The following SPAG17 variants were observed in gnomAD, a reference collection of about 807,000 sequenced individuals.
The protein encoded by SPAG17 is sperm-associated antigen 17.
A neutral mutation model predicts 273.6 loss-of-function variants in SPAG17; 169 were observed. That is an observed-to-expected ratio of 0.62 (90% CI 0.55 to 0.70). SPAG17 has a LOEUF of 0.70. Among genes scored for constraint, SPAG17 ranks in the 30% least tolerant of loss-of-function variants. The pLI is 0.00. For missense variants in SPAG17, 2,557 were observed against 2,627.8 expected (o/e 0.97, Z 0.59); for synonymous variants, 825 against 873.2 (o/e 0.94, Z 0.97).
chr1:118,065,684 A>T (rs990899579), intron 18 of SPAG17, among the ~76,000 whole-genome samples: 1 of 152,166 alleles, frequency 6.6e-6, no homozygotes, highest in Non-Finnish European at 1.5e-5. Flanking sequence ...TAGCACTTTC[A>T]TAGATTAAAG....
chr1:118,093,565 G>A (rs751172756), intron 7 of SPAG17, among the ~76,000 whole-genome samples: 1 of 152,118 alleles, frequency 6.6e-6, no homozygotes, highest in Non-Finnish European at 1.5e-5. Context: ...AATGTTTTAA[G>A]AGCCTAATTA....
In SPAG17 at chr1:117,966,649, A is replaced by C; in HGVS notation, c.6492T>G (p.Ile2164Met). The C allele has an allele frequency of 6.8e-6, 11 of 1,613,852 alleles. No individual in the cohort carries two copies. Among genetic ancestry groups the C allele is most frequent in the Non-Finnish European group, 8.5e-6 (10 of 1,179,920 alleles). The change falls in exon 47 of 49, where the codon ATT becomes ATG. Residue 2164 changes from isoleucine to methionine, a missense_variant. Ile to Met is a conservative substitution (Grantham distance 10). Coordinates refer to ENST00000336338, the MANE Select transcript of SPAG17 (RefSeq NM_206996.4). ...GSAHISHNIE[I>M]MTEHEVLFLP... ...GGAACAGAACCTCATGCTCTGTCAT[A>C]ATCTCGATATTGTGAGAGATGTGTG...
intron 3 of SPAG17, among the ~76,000 whole-genome samples, chr1:118,144,420 C>T (rs1299922637): frequency 2.0e-5 from 3 of 152,214 alleles, no homozygotes; most frequent in Admixed American, 6.5e-5. Context: ...TTCTCCTCTT[C>T]TTTCCTTCTT....
At chr1:117,956,242 T>C (rs924001295) in intron 48 of SPAG17, among the ~76,000 whole-genome samples, 1 of 152,186 alleles carries the variant, frequency 6.6e-6, no homozygotes, top group Non-Finnish European at 1.5e-5. Flanking sequence ...TTTGGGACAC[T>C]TGAGACCAAA....
chr1:117,985,183 A>G (rs1414136644), intron 40 of SPAG17, among the ~76,000 whole-genome samples: 2 of 152,252 alleles, frequency 1.3e-5, no homozygotes, highest in Non-Finnish European at 2.9e-5. Flanking sequence ...AAAAAAACCC[A>G]AACAAACCAA....
intron 6 of SPAG17, among the ~76,000 whole-genome samples, chr1:118,098,848 C>G (rs1300591290): frequency 6.6e-6 from 1 of 151,980 alleles, no homozygotes; most frequent in East Asian, 1.9e-4. Flanking sequence ...TATAGAGCAG[C>G]AATTTAAAAA....
chr1:117,990,207 A>G (rs1656919043), intron 38 of SPAG17, among the ~76,000 whole-genome samples: 1 of 152,186 alleles, frequency 6.6e-6, no homozygotes, highest in South Asian at 2.1e-4. Context: ...CAACAACAAT[A>G]AAAACAACTG....
At chr1:118,146,967 G>A (rs922211199) in intron 3 of SPAG17, among the ~76,000 whole-genome samples, 1 of 152,122 alleles carries the variant, frequency 6.6e-6, no homozygotes, top group Non-Finnish European at 1.5e-5. Context: ...ACCCCTCCCT[G>A]CCAACTACCC....
At chr1:118,025,463 G>A in intron 26 of SPAG17, 47 bp from the exon 27 acceptor site, 1 of 1,278,062 alleles carries the variant, frequency 7.8e-7, no homozygotes, top group Non-Finnish European at 1.0e-6. Flanking sequence ...ATGCTGCAGG[G>A]CTGGATTTTA....
intron 30 of SPAG17, among the ~76,000 whole-genome samples, chr1:118,009,678 C>G (rs1412631365): frequency 3.3e-5 from 5 of 151,996 alleles, no homozygotes; most frequent in African/African-American, 1.2e-4. Flanking sequence ...GTTTTAGTTG[C>G]CACCAATCAA....
intron 23 of SPAG17, 49 bp downstream of exon 23, chr1:118,039,243 G>T: frequency 6.3e-7 from 1 of 1,579,864 alleles, no homozygotes; most frequent in African/African-American, 1.4e-5. Context: ...GGAGTGGACA[G>T]AGACAGGAGT....
chr1:118,169,796 A>G (rs899515790), intron 1 of SPAG17, among the ~76,000 whole-genome samples: 2 of 152,198 alleles, frequency 1.3e-5, no homozygotes, highest in African/African-American at 4.8e-5. Flanking sequence ...AAGAATTAGA[A>G]GCTTTGTTCA....
chr1:118,067,659 C>A (rs751889305), intron 17 of SPAG17, among the ~76,000 whole-genome samples: 11 of 152,146 alleles, frequency 7.2e-5, no homozygotes, highest in Non-Finnish European at 1.6e-4. Context: ...GCAGCCCAAG[C>A]GGACTAAATC....
intron 20 of SPAG17, among the ~76,000 whole-genome samples, chr1:118,042,483 A>G (rs1649885335): frequency 6.6e-6 from 1 of 152,192 alleles, no homozygotes; most frequent in African/African-American, 2.4e-5. Flanking sequence ...AAAATGATGG[A>G]TAACATAGGT....
At chr1:118,092,885 T>C (rs930922684) in intron 8 of SPAG17, among the ~76,000 whole-genome samples, 1 of 152,192 alleles carries the variant, frequency 6.6e-6, no homozygotes, top group Non-Finnish European at 1.5e-5. Context: ...GCTAAATAAA[T>C]ACTGCAATTA....
chr1:118,175,178 G>A (rs140620970), intron 1 of SPAG17, among the ~76,000 whole-genome samples: 81 of 152,122 alleles, frequency 5.3e-4, no homozygotes, highest in African/African-American at 1.8e-3. Context: ...CTACAGGCAC[G>A]CACCACCACA....
intron 3 of SPAG17, 112 bp from the exon 4 acceptor site, chr1:118,115,553 T>A: frequency 8.9e-7 from 1 of 1,122,614 alleles, no homozygotes; most frequent in Non-Finnish European, 1.2e-6. Flanking sequence ...ACTGGAAAGA[T>A]ACTTCATTGC....
intron 5 of SPAG17, among the ~76,000 whole-genome samples, chr1:118,101,179 C>T (rs894923877): frequency 6.6e-6 from 1 of 152,078 alleles, no homozygotes; most frequent in African/African-American, 2.4e-5. Flanking sequence ...CTGTGGGAGG[C>T]TGAGGAGGGA....
intron 15 of SPAG17, among the ~76,000 whole-genome samples, chr1:118,075,619 T>C (rs75175885): frequency 2.9e-3 from 438 of 152,336 alleles, no homozygotes; most frequent in African/African-American, 0.01. Context: ...TATACTTTGA[T>C]GCTGCTGAAC....
Sources: gnomAD v4.1 joint callset for allele counts (sites outside exome capture counted in the v4.1 genomes callset) on GRCh38, gnomAD v4.1.1 for gene constraint, MANE v1.5 for transcripts, NCBI Gene and HGNC (gene_info 2026-07-23, HGNC 2026-07-21) for gene names.